TBCD: variants seen among roughly 807,000 people sequenced by gnomAD.
TBCD encodes the protein tubulin folding cofactor D, also known as tubulin-specific chaperone D.
A neutral mutation model predicts 169.3 loss-of-function variants in TBCD; 105 were observed. The ratio of observed to expected loss-of-function variants is 0.62; its 90% CI spans 0.53 to 0.73. The LOEUF (loss-of-function observed/expected upper bound fraction) is 0.73, where lower values mean the gene tolerates loss of function less well. TBCD is among the 30% of genes least tolerant of loss of function. The pLI is 0.00. For missense variants in TBCD, 1,444 were observed against 1,600.1 expected (o/e 0.90, Z 1.66); for synonymous variants, 700 against 643.9 (o/e 1.09, Z -1.32).
intron 13 of TBCD, among the ~76,000 whole-genome samples, chr17:82,859,442 C>CTG (rs10664673): frequency 0.5 from 71,141 of 143,158 alleles, 17,046 homozygotes; most frequent in East Asian, 0.67. Context: ...GAAAGAGAGT[C>CTG]TCGTGGGTCG....
intron 17 of TBCD, among the ~76,000 whole-genome samples, chr17:82,898,638 T>C (rs75492565): frequency 6.6e-6 from 1 of 152,068 alleles, no homozygotes; most frequent in Non-Finnish European, 1.5e-5. Flanking sequence ...GGTTGTTTTT[T>C]CAGATTTGTT....
In TBCD at chr17:82,797,833, T is replaced by C. The variant is rs752019750; in HGVS notation, c.817+31T>C. 5.2e-6 allele frequency: 8 copies of C among 1,538,606 alleles called. No homozygotes were observed. The African/African-American group carries it at 9.7e-5, about 19-fold the overall frequency. On this transcript the variant is annotated intron_variant, in intron 8 of 38. Coordinates refer to ENST00000355528, the MANE Select transcript of TBCD (RefSeq NM_005993.5). ...GTTTATTTTTAAGAGACGATATCTTTGTGATGTGAGTTTGCTCATATACAA... is the reference window on the plus strand; with the variant it reads ...GTTTATTTTTAAGAGACGATATCTTCGTGATGTGAGTTTGCTCATATACAA...
intron 13 of TBCD, among the ~76,000 whole-genome samples, chr17:82,841,362 A>G (rs544328756): frequency 3.3e-5 from 5 of 151,280 alleles, no homozygotes; most frequent in Admixed American, 2.0e-4. Context: ...CTGTCACCCA[A>G]GCTGGAGTGC....
intron 2 of TBCD, among the ~76,000 whole-genome samples, chr17:82,759,715 A>G (rs1373480370): frequency 6.6e-6 from 1 of 152,124 alleles, no homozygotes; most frequent in Non-Finnish European, 1.5e-5. Flanking sequence ...TATTTTTCCT[A>G]ATCAGTTATG....
chr17:82,831,156 G>A lies in TBCD; in HGVS notation c.1318+16222G>A, dbSNP rs754460054. ...GTGCGCTGGAGGCTGCCTTGTTGGA[G>A]AGGTCGTACAGGCCTTCGCAGGTCT... On this transcript the variant is annotated intron_variant, in intron 13 of 38. Transcript: ENST00000355528. The surrounding 1 kb of genome is among the most constrained non-coding windows in gnomAD (Gnocchi z 4.6). 1.6e-4 allele frequency: 252 copies of A among 1,614,032 alleles called. No individual in the cohort carries two copies. Among genetic ancestry groups the A allele is most frequent in the Non-Finnish European group, 2.0e-4 (238 of 1,180,036 alleles).
intron 22 of TBCD, among the ~76,000 whole-genome samples, chr17:82,909,657 G>A (rs1460815823): frequency 6.7e-6 from 1 of 148,596 alleles, no homozygotes; most frequent in Non-Finnish European, 1.5e-5. Context: ...CGCTGTGGGA[G>A]GCGCGTGAGG....
chr17:82,926,801 T>A (rs2061797603), intron 28 of TBCD: 1 of 520,194 alleles, frequency 1.9e-6, no homozygotes, highest in East Asian at 3.4e-5. Flanking sequence ...CTGCACTCGT[T>A]GACAGACACG....
intron 8 of TBCD, among the ~76,000 whole-genome samples, chr17:82,799,910 A>G (rs537501710): frequency 5.3e-5 from 8 of 152,116 alleles, no homozygotes; most frequent in Non-Finnish European, 1.2e-4. Context: ...GTTAAACGGC[A>G]CCTCTGCCCG....
chr17:82,871,724 G>T (rs1222343419), intron 14 of TBCD, among the ~76,000 whole-genome samples: 3 of 152,218 alleles, frequency 2.0e-5, no homozygotes, highest in African/African-American at 7.2e-5. Flanking sequence ...GGTCCCCTCT[G>T]CCCCGCACGC....
intron 14 of TBCD, among the ~76,000 whole-genome samples, chr17:82,873,124 G>A (rs1424208895): frequency 2.0e-5 from 3 of 152,254 alleles, no homozygotes; most frequent in Admixed American, 6.5e-5. Context: ...GAATGCAGAC[G>A]TGTGACGGCT....
In TBCD at chr17:82,862,079, T is replaced by A. The variant is rs180729138; in HGVS notation, c.1319-8145T>A. ...CTGGGACTACAGGCGCCCGCCACCT[T>A]GCCCGGCTAATTTTTTGTATTTTTA... On this transcript the variant is annotated intron_variant, in intron 13 of 38. Transcript: ENST00000355528. Among the ~76,000 whole-genome samples, 460 of 151,938 alleles carry A rather than the reference T, an allele frequency of 3.0e-3. 1 individual carries two copies. Among genetic ancestry groups the A allele is most frequent in the African/African-American group, 0.01 (433 of 41,438 alleles).
chr17:82,925,697 G>A (rs891268985), intron 27 of TBCD, among the ~76,000 whole-genome samples: 2 of 152,156 alleles, frequency 1.3e-5, no homozygotes, highest in Non-Finnish European at 1.5e-5. Flanking sequence ...CCTCGCAGCC[G>A]CCATGCCATC....
chr17:82,930,667 C>CA lies in TBCD; in HGVS notation c.3113+25dup. ...AGGTGAGTGGTGTCTCTTGGGGCCT[C>CA]AGAGGCGTGAGTGGTGCTGGTGCCT... On this transcript the variant is annotated intron_variant, in intron 33 of 38. Coordinates refer to ENST00000355528, the MANE Select transcript of TBCD (RefSeq NM_005993.5). The surrounding 1 kb of genome is among the most constrained non-coding windows in gnomAD (Gnocchi z 5.2). 3 of 1,613,782 alleles carry CA rather than the reference C, an allele frequency of 1.9e-6. No individual in the cohort carries two copies. The highest frequency in any genetic ancestry group is 2.5e-6 in the Non-Finnish European group (3 of 1,179,816).
At position 82,800,262 on chromosome 17, in the gene TBCD, G is replaced by T. The variant is rs527835747; in HGVS notation, c.818-602G>T. On this transcript the variant is annotated intron_variant, in intron 8 of 38. Coordinates refer to ENST00000355528, the MANE Select transcript of TBCD (RefSeq NM_005993.5). ...TCAGCTTGCCCTCGTCGCAGCACCC[G>T]GGCGTCTCCTGCTCGCAGGCTCTCC... 2.0e-5 allele frequency among the ~76,000 whole-genome samples: 3 copies of T among 152,240 alleles called. No individual in the cohort carries two copies. The East Asian group carries it at 5.8e-4, about 29-fold the overall frequency.
rs1599573114 is a variant in TBCD at position 82,921,652 on chromosome 17, G to A, written c.2178+75G>A. 9.3e-6 allele frequency: 13 copies of A among 1,396,128 alleles called. No individual in the cohort carries two copies. In the East Asian group the frequency reaches 3.0e-4, roughly 32 times the overall value. 86.5% of individuals were successfully genotyped at this position (1,396,128 alleles called of 1,614,324 possible). A position where few individuals can be genotyped will look rare whatever the true frequency, so the allele number is the denominator to read the frequency against. ...GTTAGTCACGGATGGTGTTTGTGTT[G>A]GCGACTGTGCATCATGAGGCTGTCC... On this transcript the variant is annotated intron_variant, in intron 25 of 38. Coordinates refer to ENST00000355528, the MANE Select transcript of TBCD (RefSeq NM_005993.5).
chr17:82,781,696 C>T lies in TBCD; in HGVS notation c.746C>T (p.Thr249Ile), dbSNP rs765538480. ...SSFQTMQGVI[T>I]MDGTLQALAQ... The stretch of plus-strand genomic sequence containing the variant: ...TTCCAGACCATGCAGGGGGTCATCA[C>T]CATGGATGGGACGCTGCAGGCCCTG... The change falls in exon 7 of 39, where the codon ACC (threonine) becomes ATC (isoleucine). Residue 249 changes from threonine to isoleucine, a missense_variant. By Grantham distance (89) the Thr-to-Ile change is moderately conservative. Transcript: ENST00000355528. 1.9e-6 allele frequency: 3 copies of T among 1,613,792 alleles called. No individual in the cohort carries two copies. The highest frequency in any genetic ancestry group is 2.2e-5 in the East Asian group (1 of 44,858).
chr17:82,902,350 A>G (rs2032287155), intron 18 of TBCD, among the ~76,000 whole-genome samples: 1 of 152,194 alleles, frequency 6.6e-6, no homozygotes, highest in South Asian at 2.1e-4. Flanking sequence ...TGTGAAAACC[A>G]TTCTTAGCTG....
chr17:82,902,288 C>G (rs2059943931), intron 18 of TBCD, among the ~76,000 whole-genome samples: 1 of 151,918 alleles, frequency 6.6e-6, no homozygotes, highest in Non-Finnish European at 1.5e-5. Context: ...GATCTCTGTT[C>G]CATACGCTTT....
intron 13 of TBCD, among the ~76,000 whole-genome samples, chr17:82,851,658 G>A (rs1425567247): frequency 1.3e-5 from 2 of 152,132 alleles, no homozygotes; most frequent in Non-Finnish European, 2.9e-5. Flanking sequence ...AAATGAAGGA[G>A]GTGGAAGACA....
Sources: gnomAD v4.1 joint callset for allele counts (sites outside exome capture counted in the v4.1 genomes callset) on GRCh38, gnomAD v4.1.1 for gene constraint, Gnocchi (gnomAD v3.1) non-coding constraint, MANE v1.5 for transcripts, NCBI Gene and HGNC (gene_info 2026-07-23, HGNC 2026-07-21) for gene names.